MYO3A: variants seen among roughly 807,000 people sequenced by gnomAD.
MYO3A encodes myosin IIIA, also known as myosin-IIIa.
MYO3A carries 180 observed loss-of-function variants against 192.7 expected under a neutral mutation model. The ratio of observed to expected loss-of-function variants is 0.93; its 90% CI spans 0.83 to 1.06. MYO3A has a LOEUF of 1.06. MYO3A is among the 50% of genes least tolerant of loss of function. The pLI is 0.00. For synonymous variants in MYO3A, 628 were observed against 645.3 expected, an observed-to-expected ratio of 0.97 and a Z score of 0.41; for missense variants, 1,896 against 1,905.0, an observed-to-expected ratio of 1.00 and a Z score of 0.09.
chr10:26,143,423 T>G, intron 20 of MYO3A, 25 bp from the exon 21 acceptor site: 1 of 1,589,326 alleles, frequency 6.3e-7, no homozygotes, highest in Non-Finnish European at 8.6e-7. Context: ...ATTCACAGTT[T>G]TAAGTGGTTT....
At chr10:26,181,037 C>CA (rs1842597266) in intron 31 of MYO3A, among the ~76,000 whole-genome samples, 1 of 151,942 alleles carries the variant, frequency 6.6e-6, no homozygotes, top group Admixed American at 6.6e-5. Context: ...GTCCCCTTTA[C>CA]AAAAATCAAT....
chr10:26,074,818 C>T (rs946063502), intron 14 of MYO3A, among the ~76,000 whole-genome samples: 1 of 151,748 alleles, frequency 6.6e-6, no homozygotes, highest in Admixed American at 6.6e-5. Flanking sequence ...ATTGCCAATG[C>T]CAATGTCCAG....
rs1302604413 is a variant in MYO3A at position 25,997,195 on chromosome 10, A to C, written c.445A>C (p.Arg149=). 6.2e-7 allele frequency: 1 copy of C among 1,613,432 alleles called. No homozygotes were observed. The highest frequency in any genetic ancestry group is 1.3e-5 in the African/African-American group (1 of 74,922). Residue 149 remains arginine, a synonymous_variant, in exon 6 of 35, where the codon AGA becomes CGA. Transcript: ENST00000642920. ...QHLHNNKTIH[R]DVKGNNILLT... ...TTTGCATAACAACAAAACTATCCACAGAGATGTGAAAGGCAATAACATTCT... is the reference window on the plus strand; with the variant it reads ...TTTGCATAACAACAAAACTATCCACCGAGATGTGAAAGGCAATAACATTCT...
intron 17 of MYO3A, among the ~76,000 whole-genome samples, chr10:26,105,372 G>A (rs746800102): frequency 6.6e-6 from 1 of 152,136 alleles, no homozygotes; most frequent in Non-Finnish European, 1.5e-5. Context: ...TGCCAGCAAT[G>A]TGTTGTGGCT....
At chr10:26,064,822 A>G (rs1521030) in intron 10 of MYO3A, among the ~76,000 whole-genome samples, 72,102 of 151,856 alleles carry the variant, frequency 0.47, 17,912 homozygotes, top group Middle Eastern at 0.59. Flanking sequence ...GTTGACTGAG[A>G]TGAAGAATCA....
chr10:25,980,254 A>C (rs1391105488), intron 4 of MYO3A, among the ~76,000 whole-genome samples: 7 of 151,632 alleles, frequency 4.6e-5, no homozygotes, highest in African/African-American at 1.7e-4. Flanking sequence ...AAAAAAAAGC[A>C]AAAAACCCCA....
chr10:26,076,709 ATG>A (rs1239715602), intron 14 of MYO3A, among the ~76,000 whole-genome samples: 1 of 152,104 alleles, frequency 6.6e-6, no homozygotes. Flanking sequence ...ATTCTCCTAC[ATG>A]TGGCTAGCCA....
intron 2 of MYO3A, among the ~76,000 whole-genome samples, chr10:25,938,242 G>C (rs192517425): frequency 1.8e-4 from 27 of 152,300 alleles, no homozygotes; most frequent in African/African-American, 6.0e-4. Context: ...AAACCAGTCT[G>C]ATAGAGGCTT....
At chr10:26,171,394 AC>A (rs1321448650) in intron 29 of MYO3A, among the ~76,000 whole-genome samples, 1 of 152,100 alleles carries the variant, frequency 6.6e-6, no homozygotes, top group Non-Finnish European at 1.5e-5. Context: ...CCACACACCC[AC>A]ATCTAACGTT....
chr10:26,063,581 T>G (rs1188039556), intron 10 of MYO3A, among the ~76,000 whole-genome samples: 5 of 152,172 alleles, frequency 3.3e-5, no homozygotes, highest in Non-Finnish European at 7.4e-5. Context: ...AAATTTACAA[T>G]CTAGTAAAGG....
At chr10:26,204,454 T>C (rs1825822557) in intron 34 of MYO3A, 1 of 152,258 alleles carries the variant, frequency 6.6e-6, no homozygotes, top group Admixed American at 6.5e-5. Flanking sequence ...TTAAGTGATG[T>C]CTATGGGTGT....
intron 20 of MYO3A, among the ~76,000 whole-genome samples, chr10:26,133,526 C>T (rs567845085): frequency 6.6e-6 from 1 of 152,342 alleles, no homozygotes; most frequent in African/African-American, 2.4e-5. Context: ...GTTTGGTCGA[C>T]ACCCTTAATG....
intron 27 of MYO3A, among the ~76,000 whole-genome samples, chr10:26,167,566 C>CT (rs1248238227): frequency 6.6e-6 from 1 of 152,142 alleles, no homozygotes; most frequent in Non-Finnish European, 1.5e-5. Flanking sequence ...CATTTTAAAG[C>CT]TATTTGTATT....
intron 2 of MYO3A, among the ~76,000 whole-genome samples, chr10:25,943,391 A>G (rs2130441102): frequency 6.6e-6 from 1 of 152,138 alleles, no homozygotes; most frequent in African/African-American, 2.4e-5. Context: ...GAGTTTTAGG[A>G]TGTATTTATT....
At position 26,202,960 on chromosome 10, in the gene MYO3A, A is replaced by G; in HGVS notation, c.4587-4A>G. The G allele has an allele frequency of 6.2e-7, 1 of 1,613,524 alleles. No individual in the cohort carries two copies. Among genetic ancestry groups the G allele is most frequent in the Non-Finnish European group, 8.5e-7 (1 of 1,179,614 alleles). ...CAATGGTGTGTTTATGTGTTCATTTACAGTCAGGGAAAATTATTAGATTTG... is the reference window on the plus strand; with the variant it reads ...CAATGGTGTGTTTATGTGTTCATTTGCAGTCAGGGAAAATTATTAGATTTG... On this transcript the variant is annotated splice_region_variant and splice_polypyrimidine_tract_variant and intron_variant, in intron 33 of 34. Transcript: ENST00000642920.
chr10:25,941,886 CAACAT>C (rs1312461200), intron 2 of MYO3A, among the ~76,000 whole-genome samples: 1 of 152,152 alleles, frequency 6.6e-6, no homozygotes, highest in Non-Finnish European at 1.5e-5. Flanking sequence ...TTATTTTTCT[CAACAT>C]AACGTCTTCT....
rs33968748 is a variant in MYO3A at position 26,016,844 on chromosome 10, C to T, written c.533C>T (p.Thr178Ile). 2.2e-3 allele frequency: 3,627 copies of T among 1,614,154 alleles called. 61 individuals carry two copies. The African/African-American group carries it at 0.039, about 17-fold the overall frequency. Residue 178 changes from threonine to isoleucine, a missense_variant, in exon 7 of 35, where the codon ACC becomes ATC. Coordinates refer to ENST00000642920, the MANE Select transcript of MYO3A (RefSeq NM_017433.5). ...DFGVSAQLTS[T>I]RHRRNTSVGT... ...GGTGTGTCTGCACAGCTCACCAGTA[C>T]CCGGCACCGTCGGAACACATCCGTA...
chr10:26,017,742 A>G (rs1011190983), intron 7 of MYO3A, among the ~76,000 whole-genome samples: 3 of 151,816 alleles, frequency 2.0e-5, no homozygotes, highest in Non-Finnish European at 4.4e-5. Flanking sequence ...AGAAACTTAA[A>G]AAAATCCACA....
chr10:26,137,681 G>T (rs1839930349), intron 20 of MYO3A, among the ~76,000 whole-genome samples: 1 of 152,194 alleles, frequency 6.6e-6, no homozygotes, highest in South Asian at 2.1e-4. Flanking sequence ...ATGCAAGTAA[G>T]GAAGACATCA....
Sources: allele counts gnomAD v4.1 joint callset (sites outside exome capture counted in the v4.1 genomes callset), GRCh38; gene constraint gnomAD v4.1.1; transcripts MANE v1.5; gene names NCBI Gene and HGNC (gene_info 2026-07-23, HGNC 2026-07-21).